The following GHR variants were observed in gnomAD, a reference collection of about 807,000 sequenced individuals.
The protein encoded by GHR is growth hormone receptor, also known as GH receptor.
Under a neutral mutation model 67.1 loss-of-function variants are expected in GHR, and 35 were observed. That is an observed-to-expected ratio of 0.52 (90% CI 0.40 to 0.69). The LOEUF is 0.69. Among genes scored for constraint, GHR ranks in the 30% least tolerant of loss-of-function variants. The probability of loss-of-function intolerance (pLI) is 0.00; values close to 1 mark genes in which losing one functional copy is unlikely to be tolerated. For synonymous variants in GHR, 272 were observed against 269.1 expected, an observed-to-expected ratio of 1.01 and a Z score of -0.10; for missense variants, 792 against 764.6, an observed-to-expected ratio of 1.04 and a Z score of -0.42.
At position 42,625,474 on chromosome 5, in the gene GHR, A is replaced by G. The variant is rs545249668; in HGVS notation, c.71-3564A>G. 9.3e-4 allele frequency among the ~76,000 whole-genome samples: 142 copies of G among 152,246 alleles called. 1 individual carries two copies. Among genetic ancestry groups the G allele is most frequent in the African/African-American group, 3.4e-3 (142 of 41,566 alleles). ...AAAATATTTGAAGAGATTTTTTCTG[A>G]GCCAAATGTGAGTGAACATGGCCTG... On this transcript the variant is annotated intron_variant, in intron 2 of 9. Coordinates refer to ENST00000230882, the MANE Select transcript of GHR (RefSeq NM_000163.5).
intron 1 of GHR, among the ~76,000 whole-genome samples, chr5:42,480,890 C>G (rs1296818335): frequency 6.6e-6 from 1 of 152,104 alleles, no homozygotes; most frequent in South Asian, 2.1e-4. Context: ...CATTTACATT[C>G]AAAGTTAATA....
At chr5:42,473,601 G>A (rs891829474) in intron 1 of GHR, among the ~76,000 whole-genome samples, 14 of 151,648 alleles carry the variant, frequency 9.2e-5, no homozygotes, top group African/African-American at 3.1e-4. Context: ...TCTGTTGGCC[G>A]GGCGCAGTGG....
At chr5:42,494,922 T>C (rs894083843) in intron 1 of GHR, among the ~76,000 whole-genome samples, 3 of 152,088 alleles carry the variant, frequency 2.0e-5, no homozygotes, top group Non-Finnish European at 2.9e-5. Context: ...GAATTAAATT[T>C]CCAATTTAGC....
At chr5:42,668,672 A>G (rs1212187198) in intron 3 of GHR, among the ~76,000 whole-genome samples, 2 of 152,086 alleles carry the variant, frequency 1.3e-5, no homozygotes, top group African/African-American at 4.8e-5. Context: ...TAATATAAAA[A>G]TGTTCTCTGT....
Position 42,662,042 on chromosome 5 carries a change from C to G in GHR, c.137-26848C>G, listed in dbSNP as rs548147668. Among the ~76,000 whole-genome samples, 315 of 152,310 alleles carry G rather than the reference C, an allele frequency of 2.1e-3. 1 individual carries two copies. The highest frequency in any genetic ancestry group is 7.3e-3 in the African/African-American group (304 of 41,574). On this transcript the variant is annotated intron_variant, in intron 3 of 9. Transcript: ENST00000230882. Reference sequence around the variant, plus strand: ...CATAATGGTAAAGGGATCAATTCAACAAGAAGAGCTAACTATCCTAAATAT... The same window carrying G: ...CATAATGGTAAAGGGATCAATTCAAGAAGAAGAGCTAACTATCCTAAATAT...
At chr5:42,583,149 T>G (rs1270684227) in intron 2 of GHR, among the ~76,000 whole-genome samples, 1 of 152,244 alleles carries the variant, frequency 6.6e-6, no homozygotes, top group Non-Finnish European at 1.5e-5. Flanking sequence ...TGCAACAGAA[T>G]GATGCTCTGG....
chr5:42,456,598 T>C (rs1326090857), intron 1 of GHR, among the ~76,000 whole-genome samples: 1 of 152,200 alleles, frequency 6.6e-6, no homozygotes, highest in East Asian at 1.9e-4. Context: ...TTCTGAGTGG[T>C]AAAAATTAAA....
chr5:42,551,003 C>G (rs78655949), intron 1 of GHR, among the ~76,000 whole-genome samples: 1 of 152,140 alleles, frequency 6.6e-6, no homozygotes, highest in African/African-American at 2.4e-5. Flanking sequence ...AGATGGTGGT[C>G]TGGATGTTCC....
At chr5:42,603,411 T>C (rs1046895207) in intron 2 of GHR, among the ~76,000 whole-genome samples, 4 of 152,182 alleles carry the variant, frequency 2.6e-5, no homozygotes, top group Admixed American at 6.5e-5. Flanking sequence ...GACTGGAAAA[T>C]ATTCAACCAT....
At chr5:42,641,882 A>G (rs1011073908) in intron 3 of GHR, among the ~76,000 whole-genome samples, 2 of 152,138 alleles carry the variant, frequency 1.3e-5, no homozygotes, top group Non-Finnish European at 2.9e-5. Flanking sequence ...CTGCTTCTTG[A>G]GGTTTTTAAA....
intron 4 of GHR, among the ~76,000 whole-genome samples, chr5:42,691,252 G>A (rs1022557397): frequency 8.5e-5 from 13 of 152,068 alleles, no homozygotes; most frequent in Non-Finnish European, 1.9e-4. Context: ...ATCCCAGGAG[G>A]GTAAGTACAG....
intron 3 of GHR, among the ~76,000 whole-genome samples, chr5:42,641,947 C>T (rs1205399385): frequency 1.3e-5 from 2 of 151,980 alleles, no homozygotes; most frequent in African/African-American, 4.8e-5. Flanking sequence ...AAGAGATATG[C>T]CTGGCTCCTC....
At chr5:42,454,810 T>G (rs901945106) in intron 1 of GHR, among the ~76,000 whole-genome samples, 1 of 152,038 alleles carries the variant, frequency 6.6e-6, no homozygotes, top group Admixed American at 6.6e-5. Flanking sequence ...CAAGCAAGGC[T>G]TTCAGGCCAC....
At chr5:42,463,121 G>A (rs2940922) in intron 1 of GHR, among the ~76,000 whole-genome samples, 33,143 of 151,908 alleles carry the variant, frequency 0.22, 3,952 homozygotes, top group African/African-American at 0.29. Flanking sequence ...ATCTCTCTAA[G>A]CATCTATGTA....
intron 1 of GHR, among the ~76,000 whole-genome samples, chr5:42,474,296 A>AGAAAGAAAGAAAGAAAGAAG (rs1745168659): frequency 6.5e-3 from 2 of 310 alleles, no homozygotes; most frequent in Admixed American, 0.023. Context: ...AAAGAGAAAG[A>AGAAAGAAAGAAAGAAAGAAG]GAAAGAAAGA....
intron 1 of GHR, among the ~76,000 whole-genome samples, chr5:42,444,020 G>T (rs911753970): frequency 6.6e-6 from 1 of 151,546 alleles, no homozygotes; most frequent in African/African-American, 2.4e-5. Context: ...TATAGATATA[G>T]ATATAGATAA....
Position 42,699,896 on chromosome 5 carries a change from T to C in GHR, c.512T>C (p.Ile171Thr), listed in dbSNP as rs121909367. The C allele has an allele frequency of 3.1e-6, 5 of 1,605,600 alleles. No homozygotes were observed. Among genetic ancestry groups the C allele is most frequent in the Non-Finnish European group, 4.3e-6 (5 of 1,172,284 alleles). The change falls in exon 6 of 10, where the codon ATC (isoleucine) becomes ACC (threonine). Residue 171 changes from isoleucine (I) to threonine (T), a missense_variant. Ile to Thr is a moderately conservative substitution (Grantham distance 89). Coordinates refer to ENST00000230882, the MANE Select transcript of GHR (RefSeq NM_000163.5). ...AGTTTAACTGGGATTCATGCAGATA[T>C]CCAAGTGAGATGGGAAGCACCACGC... The part of the protein sequence containing the change: ...NVSLTGIHAD[I>T]QVRWEAPRNA...
At chr5:42,496,842 C>A (rs1746340177) in intron 1 of GHR, among the ~76,000 whole-genome samples, 1 of 152,140 alleles carries the variant, frequency 6.6e-6, no homozygotes, top group Non-Finnish European at 1.5e-5. Context: ...AAACCCAGGG[C>A]AGAATGGTAA....
intron 3 of GHR, among the ~76,000 whole-genome samples, chr5:42,644,529 C>G (rs917099841): frequency 6.6e-6 from 1 of 151,990 alleles, no homozygotes; most frequent in African/African-American, 2.4e-5. Flanking sequence ...GTATCCTGAT[C>G]AAACAAATTA....
Sources: gnomAD v4.1 joint callset for allele counts (sites outside exome capture counted in the v4.1 genomes callset) on GRCh38, gnomAD v4.1.1 for gene constraint, MANE v1.5 for transcripts, NCBI Gene and HGNC (gene_info 2026-07-23, HGNC 2026-07-21) for gene names.